BTBD9: variants seen among roughly 807,000 people sequenced by gnomAD.
BTBD9 encodes BTB/POZ domain-containing protein 9.
In BTBD9, 49 loss-of-function variants were observed where a neutral mutation model predicts 64.3. That is an observed-to-expected ratio of 0.76 (90% CI 0.61 to 0.97). The LOEUF is 0.97. Ranked by LOEUF, BTBD9 falls within the 50% of genes least tolerant of loss-of-function variation. BTBD9 has a pLI of 0.00. For missense variants in BTBD9, 598 were observed against 762.1 expected, an observed-to-expected ratio of 0.78 and a Z score of 2.53; for synonymous variants, 260 against 274.7, an observed-to-expected ratio of 0.95 and a Z score of 0.53.
chr6:38,304,627 A>T (rs1762557292), intron 7 of BTBD9, among the ~76,000 whole-genome samples: 2 of 152,018 alleles, frequency 1.3e-5, no homozygotes, highest in Admixed American at 1.3e-4. Context: ...GTTTGTTTAT[A>T]AAGACAGGGT....
intron 6 of BTBD9, among the ~76,000 whole-genome samples, chr6:38,472,123 T>C (rs1344555154): frequency 1.3e-5 from 2 of 152,224 alleles, no homozygotes; most frequent in Non-Finnish European, 2.9e-5. Context: ...CACTTTTCTG[T>C]AGCCTTTCCA....
At chr6:38,571,844 C>T (rs1445665405) in intron 6 of BTBD9, 1 of 152,174 alleles carries the variant, frequency 6.6e-6, no homozygotes, top group Non-Finnish European at 1.5e-5. Flanking sequence ...CCTGTAGTCC[C>T]AGCTACTCAG....
At chr6:38,458,387 C>G (rs1769917163) in intron 6 of BTBD9, among the ~76,000 whole-genome samples, 1 of 152,138 alleles carries the variant, frequency 6.6e-6, no homozygotes, top group Admixed American at 6.5e-5. Flanking sequence ...GCAAAAGGAC[C>G]CAGTAGTCCC....
chr6:38,392,389 T>C (rs748256661), intron 6 of BTBD9, among the ~76,000 whole-genome samples: 3 of 152,210 alleles, frequency 2.0e-5, no homozygotes, highest in Non-Finnish European at 4.4e-5. Flanking sequence ...ACTGCCTCTC[T>C]GCTAGAATGA....
At chr6:38,395,351 G>A (rs1029269082) in intron 6 of BTBD9, among the ~76,000 whole-genome samples, 2 of 152,080 alleles carry the variant, frequency 1.3e-5, no homozygotes, top group Non-Finnish European at 2.9e-5. Context: ...TGGGAGGATT[G>A]CTTAAACTTG....
rs535858804 is a variant in BTBD9 at position 38,509,935 on chromosome 6, G to A, written c.1154+67665C>T. ...AGTGTCTAAAGCTACCTGGTAATGT[G>A]CTAGTACACAGCATACCAAAAGAAC... On this transcript the variant is annotated intron_variant, in intron 6 of 10. Coordinates refer to ENST00000481247, the MANE Select transcript of BTBD9 (RefSeq NM_001099272.2). Among the ~76,000 whole-genome samples the A allele has an allele frequency of 2.6e-5, 4 of 152,266 alleles. No individual in the cohort carries two copies. In the East Asian group the frequency reaches 7.7e-4, roughly 29 times the overall value.
At chr6:38,355,878 T>C (rs112503982) in intron 6 of BTBD9, among the ~76,000 whole-genome samples, 26 of 152,310 alleles carry the variant, frequency 1.7e-4, no homozygotes, top group African/African-American at 5.1e-4. Flanking sequence ...TCCTGAGATA[T>C]GGTTTCAAGG....
chr6:38,516,801 A>G (rs908711061), intron 6 of BTBD9, among the ~76,000 whole-genome samples: 1 of 152,224 alleles, frequency 6.6e-6, no homozygotes, highest in Non-Finnish European at 1.5e-5. Context: ...TATTTAATAA[A>G]AAGAAAATGG....
intron 9 of BTBD9, among the ~76,000 whole-genome samples, chr6:38,198,415 G>A (rs565609099): frequency 7.1e-4 from 108 of 152,304 alleles, no homozygotes; most frequent in African/African-American, 2.5e-3. Context: ...GAGGGTTTGC[G>A]TGAGTGGCTC....
At chr6:38,363,138 G>C (rs2093527787) in intron 6 of BTBD9, among the ~76,000 whole-genome samples, 1 of 151,974 alleles carries the variant, frequency 6.6e-6, no homozygotes. Context: ...GCCCAGGCTG[G>C]AGTACAGTGG....
intron 6 of BTBD9, among the ~76,000 whole-genome samples, chr6:38,487,048 T>C (rs539653204): frequency 2.0e-5 from 3 of 152,344 alleles, no homozygotes; most frequent in African/African-American, 7.2e-5. Context: ...GCATGAGAGT[T>C]AACTACTTGA....
chr6:38,305,546 G>A lies in BTBD9; in HGVS notation c.1265-17085C>T, dbSNP rs558086485. Among the ~76,000 whole-genome samples, 13 of 152,210 alleles carry A rather than the reference G, an allele frequency of 8.5e-5. No individual in the cohort carries two copies. In the East Asian group the frequency reaches 1.5e-3, roughly 18 times the overall value. The stretch of plus-strand genomic sequence containing the variant: ...TGCCCAGGCTGGAGTGCAGTGGCAC[G>A]GTCTCAACTCACTACAACCTCCAAC... On this transcript the variant is annotated intron_variant, in intron 7 of 10. Transcript: ENST00000481247.
At chr6:38,439,971 G>A (rs1768949207) in intron 6 of BTBD9, among the ~76,000 whole-genome samples, 1 of 152,198 alleles carries the variant, frequency 6.6e-6, no homozygotes, top group Admixed American at 6.5e-5. Context: ...GTAAACTCCT[G>A]AAGACTGCAG....
In BTBD9 at chr6:38,188,685, A is replaced by G. The variant is rs1226887560; in HGVS notation, c.1641+3834T>C. Among the ~76,000 whole-genome samples, 3 of 152,166 alleles carry G rather than the reference A, an allele frequency of 2.0e-5. No homozygotes were observed. The East Asian group carries it at 5.8e-4, about 29-fold the overall frequency. ...GGACTGATGCTTGTGTCCCTCCCAAATTCCTCTTTGGAAGCCCTAATCCCT... is the reference window on the plus strand; with the variant it reads ...GGACTGATGCTTGTGTCCCTCCCAAGTTCCTCTTTGGAAGCCCTAATCCCT... On this transcript the variant is annotated intron_variant, in intron 10 of 10. Transcript: ENST00000481247.
intron 6 of BTBD9, among the ~76,000 whole-genome samples, chr6:38,503,495 T>C (rs995561667): frequency 2.0e-5 from 3 of 152,076 alleles, no homozygotes; most frequent in African/African-American, 7.2e-5. Flanking sequence ...CAAGTTACTA[T>C]TTTTTTCTCT....
At chr6:38,459,046 T>A (rs1426203392) in intron 6 of BTBD9, among the ~76,000 whole-genome samples, 1 of 152,126 alleles carries the variant, frequency 6.6e-6, no homozygotes, top group African/African-American at 2.4e-5. Context: ...GGAGACAGAG[T>A]CTCACTCTGT....
At position 38,580,286 on chromosome 6, in the gene BTBD9, G is replaced by C. The variant is rs183919850; in HGVS notation, c.966C>G (p.Ile322Met). Residue 322 changes from isoleucine (I) to methionine (M), a missense_variant, in exon 5 of 11, where the codon ATC (isoleucine) becomes ATG (methionine). By Grantham distance (10) the Ile-to-Met change is conservative. Coordinates refer to ENST00000481247, the MANE Select transcript of BTBD9 (RefSeq NM_001099272.2). ...TGGATGGCTGACCTAGCTTAATCTC[G>C]ATGCCGGAACGGCAGTCATCATCAA... ...HPIDDDCRSG[I>M]EIKLGQPSII... 1.6e-5 allele frequency: 26 copies of C among 1,614,180 alleles called. No individual in the cohort carries two copies. Among genetic ancestry groups the C allele is most frequent in the Non-Finnish European group, 2.2e-5 (26 of 1,180,034 alleles).
intron 6 of BTBD9, among the ~76,000 whole-genome samples, chr6:38,483,109 C>T (rs1279770712): frequency 6.6e-6 from 1 of 152,014 alleles, no homozygotes; most frequent in Admixed American, 6.6e-5. Context: ...ATCATCCTCC[C>T]TTGACCCTAG....
intron 9 of BTBD9, chr6:38,207,323 T>C: frequency 4.2e-6 from 1 of 236,096 alleles, no homozygotes; most frequent in South Asian, 4.2e-5. Flanking sequence ...TTGATATGAG[T>C]TCTAAAATTA....
Sources: gnomAD v4.1 joint callset for allele counts (sites outside exome capture counted in the v4.1 genomes callset) on GRCh38, gnomAD v4.1.1 for gene constraint, MANE v1.5 for transcripts, NCBI Gene and HGNC (gene_info 2026-07-23, HGNC 2026-07-21) for gene names.